The following PTGER4 variants were observed in gnomAD, a reference collection of about 807,000 sequenced individuals.
PTGER4 encodes prostaglandin E2 receptor EP4 subtype.
PTGER4 carries 11 observed loss-of-function variants against 33.2 expected under a neutral mutation model. The ratio of observed to expected loss-of-function variants is 0.33; its 90% confidence interval spans 0.21 to 0.55. The LOEUF (loss-of-function observed/expected upper bound fraction) is 0.55, where lower values mean the gene tolerates loss of function less well. Among genes scored for constraint, PTGER4 ranks in the 20% least tolerant of loss-of-function variants. PTGER4 has a pLI of 0.92. For synonymous variants in PTGER4, 275 were observed against 281.5 expected (o/e 0.98, Z 0.23); for missense variants, 481 against 650.2 (o/e 0.74, Z 2.83).
chr5:40,713,667 T>C, the PTGER4 span, among the ~76,000 whole-genome samples: 1 of 152,210 alleles, frequency 6.6e-6, no homozygotes, highest in African/African-American at 2.4e-5. Flanking sequence ...CTAGACACTC[T>C]GACTAATGAG....
the PTGER4 span, chr5:40,746,795 T>C: frequency 1.9e-6 from 3 of 1,607,262 alleles, no homozygotes; most frequent in East Asian, 2.2e-5. Context: ...TTTAAATACA[T>C]ACCTTTTATT....
At chr5:40,723,008 T>C in the PTGER4 span, among the ~76,000 whole-genome samples, 1 of 152,122 alleles carries the variant, frequency 6.6e-6, no homozygotes, top group African/African-American at 2.4e-5. Flanking sequence ...GGGGGAAATG[T>C]GGGGAAAAGG....
the PTGER4 span, among the ~76,000 whole-genome samples, chr5:40,704,644 T>C: frequency 6.6e-6 from 1 of 152,088 alleles, no homozygotes; most frequent in African/African-American, 2.4e-5. Flanking sequence ...GGATACAAAA[T>C]CATTATACAA....
the PTGER4 span, chr5:40,715,338 A>C: frequency 1.1e-3 from 166 of 152,388 alleles, no homozygotes; most frequent in Non-Finnish European, 2.1e-3. Flanking sequence ...TGACTGGGAT[A>C]ATATAGCAGT....
the PTGER4 span, among the ~76,000 whole-genome samples, chr5:40,710,912 C>T: frequency 5.9e-5 from 9 of 152,166 alleles, no homozygotes; most frequent in African/African-American, 4.8e-5. Flanking sequence ...GAACATCACA[C>T]ACTGGGGCCT....
At chr5:40,740,939 T>G in the PTGER4 span, among the ~76,000 whole-genome samples, 1 of 152,242 alleles carries the variant, frequency 6.6e-6, no homozygotes. Flanking sequence ...TTCCTTTTTT[T>G]AATATATCTT....
intron 2 of PTGER4, among the ~76,000 whole-genome samples, chr5:40,684,714 TG>T (rs1741284423): frequency 6.6e-6 from 1 of 152,232 alleles, no homozygotes; most frequent in Admixed American, 6.5e-5. Context: ...TCATAATTAA[TG>T]ATCAGAGAAG....
chr5:40,706,612 C>CT, the PTGER4 span, among the ~76,000 whole-genome samples: 104,645 of 151,804 alleles, frequency 0.69, 36,101 homozygotes, highest in East Asian at 0.8. Flanking sequence ...TATAAAACTT[C>CT]AGCACAAAGC....
the PTGER4 span, among the ~76,000 whole-genome samples, chr5:40,719,535 AC>A: frequency 6.6e-6 from 1 of 152,192 alleles, no homozygotes; most frequent in African/African-American, 2.4e-5. Flanking sequence ...TTTTGTGTGG[AC>A]ATATGTCTTC....
chr5:40,717,934 C>T, the PTGER4 span, among the ~76,000 whole-genome samples: 37 of 151,858 alleles, frequency 2.4e-4, no homozygotes, highest in Admixed American at 7.2e-4. Context: ...TGGTGGTGCA[C>T]GCCTGTAATC....
chr5:40,697,106 AAAGGAAAGAAAAAAG>A, downstream of PTGER4, among the ~76,000 whole-genome samples: 1 of 84,206 alleles, frequency 1.2e-5, no homozygotes, highest in Non-Finnish European at 2.3e-5. Flanking sequence ...GAAAAGAAAG[AAAGGAAAGAAAAAAG>A]AAAGAAAGGA....
At chr5:40,686,119 A>G (rs2111797625) in intron 2 of PTGER4, among the ~76,000 whole-genome samples, 1 of 152,330 alleles carries the variant, frequency 6.6e-6, no homozygotes, top group Non-Finnish European at 1.5e-5. Flanking sequence ...AACTTCTAGT[A>G]ACAGCTGTGT....
chr5:40,684,057 G>A (rs1313710375), intron 2 of PTGER4, among the ~76,000 whole-genome samples: 1 of 150,460 alleles, frequency 6.6e-6, no homozygotes, highest in Non-Finnish European at 1.5e-5. Flanking sequence ...GGCTACTAAA[G>A]TCTAATTTCA....
the PTGER4 span, among the ~76,000 whole-genome samples, chr5:40,731,931 T>C: frequency 6.6e-6 from 1 of 152,236 alleles, no homozygotes; most frequent in Non-Finnish European, 1.5e-5. Context: ...TACAAAGCAC[T>C]TTCAATACAA....
chr5:40,726,637 G>T, the PTGER4 span, among the ~76,000 whole-genome samples: 1 of 150,852 alleles, frequency 6.6e-6, no homozygotes. Flanking sequence ...AGTCGAACTG[G>T]TACTCTTATT....
At chr5:40,745,557 CTCTGTCACCCAAGCT>C in the PTGER4 span, among the ~76,000 whole-genome samples, 1 of 151,792 alleles carries the variant, frequency 6.6e-6, no homozygotes, top group African/African-American at 2.4e-5. Context: ...CAGCGTCTCA[CTCTGTCACCCAAGCT>C]GGAACCCAAT....
downstream of PTGER4, among the ~76,000 whole-genome samples, chr5:40,696,921 T>C (rs1279505211): frequency 6.8e-6 from 1 of 147,696 alleles, no homozygotes; most frequent in Non-Finnish European, 1.5e-5. Flanking sequence ...GAAGTCTCTG[T>C]GATGTCCCCA....
chr5:40,725,642 T>C, the PTGER4 span, among the ~76,000 whole-genome samples: 1 of 152,186 alleles, frequency 6.6e-6, no homozygotes, highest in African/African-American at 2.4e-5. Context: ...TTCCTGATAC[T>C]GTTACCTCCT....
the PTGER4 span, among the ~76,000 whole-genome samples, chr5:40,718,233 G>A: frequency 1.1e-3 from 162 of 151,662 alleles, 2 homozygotes; most frequent in Non-Finnish European, 5.2e-4. Context: ...ACAAAACCCC[G>A]TCTCTACTAA....
Sources: allele counts gnomAD v4.1 joint callset (sites outside exome capture counted in the v4.1 genomes callset), GRCh38; gene constraint gnomAD v4.1.1; transcripts MANE v1.5; gene names NCBI Gene and HGNC (gene_info 2026-07-23, HGNC 2026-07-21).